Variants in INTS1 observed in about 807,000 individuals in gnomAD.
INTS1 encodes integrator complex subunit 1.
Under a neutral mutation model 241.6 loss-of-function variants are expected in INTS1, and 137 were observed. That is an observed-to-expected ratio of 0.57 (90% confidence interval 0.49 to 0.65). The LOEUF is 0.65. Among genes scored for constraint, INTS1 ranks in the 30% least tolerant of loss-of-function variants. The pLI, the probability that INTS1 is intolerant of heterozygous loss-of-function variation, is 0.00. For missense variants in INTS1, 3,073 were observed against 3,032.2 expected (o/e 1.01, Z -0.32); for synonymous variants, 1,692 against 1,337.8 (o/e 1.26, Z -5.78).
chr7:1,475,951 G>A lies in INTS1; in HGVS notation c.5499C>T (p.Cys1833=). 6.5e-7 allele frequency: 1 copy of A among 1,539,190 alleles called. No individual in the cohort carries two copies. Among genetic ancestry groups the A allele is most frequent in the Non-Finnish European group, 8.7e-7 (1 of 1,144,662 alleles). ...HSEGAASSSV[C]KLDGLIHRFI... ...AGCGGCAGAGTTGCGCCCTCACCTT[G>A]CAGACGCTGCTGCTGGCAGCCCCTT... is the stretch of plus-strand genomic sequence containing the variant. The change falls in exon 39 of 48, where the codon TGC becomes TGT. Residue 1833 remains cysteine, a synonymous_variant. Coordinates refer to ENST00000404767, the MANE Select transcript of INTS1 (RefSeq NM_001080453.3).
At chr7:1,483,711 G>A (rs778120446) in intron 26 of INTS1, 31 bp downstream of exon 26, 1 of 1,564,288 alleles carries the variant, frequency 6.4e-7, no homozygotes. Flanking sequence ...CTGGCACGAA[G>A]CTGCCCCTCC....
rs778402378 is a variant in INTS1, at chr7:1,486,646, G to A, written c.2955C>T (p.Ala985=). 1 of 1,612,034 alleles carries A rather than the reference G, an allele frequency of 6.2e-7. No homozygotes were observed. Among genetic ancestry groups the A allele is most frequent in the South Asian group, 1.1e-5 (1 of 90,914 alleles). The change falls in exon 22 of 48, where the codon GCC becomes GCT. Residue 985 remains alanine (A), a synonymous_variant. Transcript: ENST00000404767. The stretch of plus-strand genomic sequence containing the variant: ...TCACCTTCATGGCCAGCACGCGGGA[G>A]GCCACCTGGGAGGAGCCGAGGCGCC... ...FLRRLGSSQV[A]SRVLAMKGLS...
intron 16 of INTS1, 111 bp downstream of exon 16, chr7:1,492,899 C>T (rs10241178): frequency 0.42 from 212,992 of 505,440 alleles, 59,938 homozygotes; most frequent in East Asian, 0.75. Context: ...GAGCGGGGCG[C>T]AGGCTTACCC....
At chr7:1,482,767 C>A in intron 26 of INTS1, 60 bp from the exon 27 acceptor site, 2 of 1,578,336 alleles carry the variant, frequency 1.3e-6, no homozygotes, top group Admixed American at 3.6e-5. Context: ...CCCCAAGCAC[C>A]GCTGGTGCCA....
At chr7:1,498,952 A>AGGGGC in intron 8 of INTS1, 23 bp downstream of exon 8, 3 of 974,022 alleles carry the variant, frequency 3.1e-6, no homozygotes, top group Non-Finnish European at 4.2e-6. Flanking sequence ...TGCCCCGCCC[A>AGGGGC]CCCCCCCGGG....
At position 1,500,344 on chromosome 7, in the gene INTS1, A is replaced by G. The variant is rs773192090; in HGVS notation, c.372T>C (p.Asp124=). Residue 124 remains aspartate (D), a synonymous_variant, in exon 4 of 48, where the codon GAT becomes GAC. Coordinates refer to ENST00000404767, the MANE Select transcript of INTS1 (RefSeq NM_001080453.3). Reference sequence around the variant, plus strand: ...CCTCCAGCTCGGCCGCCTCGATCTCATCCAGCAGCACCGTGGGCAGCACTG... The same window carrying G: ...CCTCCAGCTCGGCCGCCTCGATCTCGTCCAGCAGCACCGTGGGCAGCACTG... ...PIEVLPTVLL[D]EIEAAELEGN... 8 of 1,568,950 alleles carry G rather than the reference A, an allele frequency of 5.1e-6. No homozygotes were observed. The South Asian group carries it at 9.1e-5, about 18-fold the overall frequency.
At position 1,480,947 on chromosome 7, in the gene INTS1, C is replaced by T. The variant is rs909740299; in HGVS notation, c.3851-14G>A. ...GGGCCATGTAATCTGCAAACCGTAG[C>T]AGGGTCACACCTGGGCGCGGCCAGG... On this transcript the variant is annotated splice_polypyrimidine_tract_variant and intron_variant, in intron 28 of 47. Coordinates refer to ENST00000404767, the MANE Select transcript of INTS1 (RefSeq NM_001080453.3). 6.3e-7 allele frequency: 1 copy of T among 1,578,138 alleles called. No individual in the cohort carries two copies. Among genetic ancestry groups the T allele is most frequent in the Non-Finnish European group, 8.6e-7 (1 of 1,161,442 alleles).
Position 1,476,298 on chromosome 7 carries a change from C to A in INTS1, c.5309G>T (p.Cys1770Phe). The A allele has an allele frequency of 6.3e-7, 1 of 1,587,536 alleles. No individual in the cohort carries two copies. Among genetic ancestry groups the A allele is most frequent in the Non-Finnish European group, 8.6e-7 (1 of 1,168,640 alleles). ...CTTCCTGACACTCTCATCGTCCCCA[C>A]AGCAGCAGCTGAGCAGCAGGGGCAG... ...ARLPLLLSCC[C>F]GDDESVRKVT... is the part of the protein sequence containing the mutation. Residue 1770 changes from cysteine (C) to phenylalanine (F), a missense_variant, in exon 38 of 48, where the codon TGT (cysteine) becomes TTT (phenylalanine). Coordinates refer to ENST00000404767, the MANE Select transcript of INTS1 (RefSeq NM_001080453.3).
At position 1,477,623 on chromosome 7, in the gene INTS1, A is replaced by C; in HGVS notation, c.4865T>G (p.Leu1622Arg). The C allele has an allele frequency of 6.3e-7, 1 of 1,585,050 alleles. No individual in the cohort carries two copies. Among genetic ancestry groups the C allele is most frequent in the Non-Finnish European group, 8.6e-7 (1 of 1,167,052 alleles). Residue 1622 changes from leucine to arginine, a missense_variant, in exon 35 of 48, where the codon CTG (leucine) becomes CGG (arginine). Transcript: ENST00000404767. ...GPSSGLLVDW[L>R]EMLDPEVVSS... ...GACCACCTCGGGGTCCAGCATTTCC[A>C]GCCAGTCCACTAGGAGGCCTGACGA...
chr7:1,485,550 G>A lies in INTS1; in HGVS notation c.2977-81C>T, dbSNP rs374510048. 20 of 1,441,000 alleles carry A rather than the reference G, an allele frequency of 1.4e-5. No homozygotes were observed. The African/African-American group carries it at 2.2e-4, about 16-fold the overall frequency. The allele number at this position is 1,441,000 out of a possible 1,614,324, so 89.3% of individuals were successfully genotyped here. A position where few individuals can be genotyped will look rare whatever the true frequency, so the allele number is the denominator to read the frequency against. On this transcript the variant is annotated intron_variant, in intron 22 of 47. Transcript: ENST00000404767. ...CCCTGGCCCCGGGAGCACACGCATGGTGCCCTCAGAGCCCCGAGGAGAATG... is the reference window on the plus strand; with the variant it reads ...CCCTGGCCCCGGGAGCACACGCATGATGCCCTCAGAGCCCCGAGGAGAATG...
At chr7:1,475,638 C>A (rs1284795766) in intron 39 of INTS1, among the ~76,000 whole-genome samples, 1 of 152,168 alleles carries the variant, frequency 6.6e-6, no homozygotes, top group Non-Finnish European at 1.5e-5. Context: ...GCTGTCACTG[C>A]CCCAAACTGA....
Position 1,483,860 on chromosome 7 carries a change from G to A in INTS1, c.3430-7C>T, listed in dbSNP as rs372873155. On this transcript the variant is annotated splice_polypyrimidine_tract_variant and splice_region_variant and intron_variant, in intron 25 of 47. Transcript: ENST00000404767. ...CCTGGTCCTGAGACTCCGACTGTGGGAAAAGAGGTGGAGTCAGGCCGTAAG... is the reference window on the plus strand; with the variant it reads ...CCTGGTCCTGAGACTCCGACTGTGGAAAAAGAGGTGGAGTCAGGCCGTAAG... 5 of 1,605,690 alleles carry A rather than the reference G, an allele frequency of 3.1e-6. No homozygotes were observed. The African/African-American group carries it at 5.3e-5, about 17-fold the overall frequency.
In INTS1 at chr7:1,499,052, G is replaced by C. The variant is rs760343487; in HGVS notation, c.1060C>G (p.Leu354Val). The C allele has an allele frequency of 6.3e-7, 1 of 1,595,260 alleles. No homozygotes were observed. The highest frequency in any genetic ancestry group is 1.1e-5 in the South Asian group (1 of 88,758). Residue 354 changes from leucine (L) to valine (V), a missense_variant, in exon 8 of 48, where the codon CTC becomes GTC. Leu to Val is a conservative substitution (Grantham distance 32, BLOSUM62 1). Coordinates refer to ENST00000404767, the MANE Select transcript of INTS1 (RefSeq NM_001080453.3). ...DNVSRNLLRL[L>V]TSTCGYKEVR... The stretch of plus-strand genomic sequence containing the variant: ...TCCTTATAGCCGCAGGTGGAGGTGA[G>C]GAGCCGCAGGAGGTTCCTGGAGACG...
At chr7:1,471,682 G>A (rs751785558) in intron 44 of INTS1, 41 bp from the exon 45 acceptor site, 1 of 1,596,524 alleles carries the variant, frequency 6.3e-7, no homozygotes, top group South Asian at 1.1e-5. Context: ...GAAGGGCCCA[G>A]GCAGACCTCT....
In INTS1 at chr7:1,470,379, G is replaced by A. The variant is rs2128530696; in HGVS notation, c.*198C>T. On this transcript the variant is annotated 3_prime_UTR_variant, in exon 48 of 48. Transcript: ENST00000404767. ...CCCAGAAGGTGAATGAGGGCTTGCT[G>A]GACGGCCCCTGATGCCAGCGGCCGG... is the stretch of plus-strand genomic sequence containing the variant. The A allele has an allele frequency of 3.9e-6, 2 of 518,916 alleles. No individual in the cohort carries two copies. The highest frequency in any genetic ancestry group is 3.4e-6 in the Non-Finnish European group (1 of 295,884). 32.1% of individuals were successfully genotyped at this position (518,916 alleles called of 1,614,324 possible).
chr7:1,495,097 G>A (rs894220540), intron 13 of INTS1, among the ~76,000 whole-genome samples: 7 of 130,890 alleles, frequency 5.3e-5, no homozygotes, highest in South Asian at 2.5e-4. Flanking sequence ...GCGGCCGAAC[G>A]GGGCTGCCGG....
chr7:1,479,367 C>T (rs1355948635), intron 31 of INTS1, 63 bp downstream of exon 31: 25 of 1,507,528 alleles, frequency 1.7e-5, no homozygotes, highest in East Asian at 5.0e-5. Context: ...ACACCCGGGC[C>T]GTCCTGCGGG....
chr7:1,480,788 C>A, intron 29 of INTS1, 47 bp downstream of exon 29: 1 of 1,459,926 alleles, frequency 6.8e-7, no homozygotes, highest in East Asian at 2.5e-5. Flanking sequence ...TTGGCCCCAC[C>A]CCTCCCCAGG....
intron 12 of INTS1, among the ~76,000 whole-genome samples, chr7:1,495,769 C>G (rs1003673918): frequency 2.0e-5 from 3 of 152,270 alleles, no homozygotes; most frequent in East Asian, 3.9e-4. Context: ...CCGAGTGACT[C>G]GCTCCGGTCA....
Sources: gnomAD v4.1 joint callset for allele counts (sites outside exome capture counted in the v4.1 genomes callset) on GRCh38, gnomAD v4.1.1 for gene constraint, MANE v1.5 for transcripts, NCBI Gene and HGNC (gene_info 2026-07-23, HGNC 2026-07-21) for gene names.